Variants in AFF3 observed in about 807,000 individuals in gnomAD.
AFF3 encodes AF4/FMR2 family member 3.
A neutral mutation model predicts 129.7 loss-of-function variants in AFF3; 32 were observed. That is an observed-to-expected ratio of 0.25 (90% CI 0.19 to 0.33). The LOEUF is 0.33. Ranked by LOEUF, AFF3 falls within the 10% of genes least tolerant of loss-of-function variation. The pLI is 1.00. For synonymous variants in AFF3, 644 were observed against 635.4 expected (o/e 1.01, Z -0.20); for missense variants, 1,373 against 1,592.0 (o/e 0.86, Z 2.34).
chr2:100,105,736 G>A (rs918235041), intron 2 of AFF3, 153 bp from the exon 3 acceptor site: 4 of 1,362,844 alleles, frequency 2.9e-6, no homozygotes, highest in Middle Eastern at 2.0e-4. Context: ...TCCACAGTTG[G>A]CCTAGAACCG....
intron 11 of AFF3, among the ~76,000 whole-genome samples, chr2:99,704,279 G>C (rs943404580): frequency 6.6e-6 from 1 of 152,186 alleles, no homozygotes; most frequent in South Asian, 2.1e-4. Context: ...TGGTGGAGAA[G>C]TTCCTTTAGC....
In AFF3 at chr2:99,657,222, G is replaced by A. The variant is rs528122593; in HGVS notation, c.1144-7556C>T. Among the ~76,000 whole-genome samples, 4 of 152,324 alleles carry A rather than the reference G, an allele frequency of 2.6e-5. No homozygotes were observed. In the South Asian group the frequency reaches 8.3e-4, roughly 32 times the overall value. ...ATTCCTAATGTTGAGTCCAACTGAT[G>A]CTTGTGTGATTTTCTGGCTCTCTGT... On this transcript the variant is annotated intron_variant, in intron 12 of 24. Coordinates refer to ENST00000672756, the MANE Select transcript of AFF3 (RefSeq NM_001386135.1).
At chr2:99,662,408 C>T (rs923359813) in intron 12 of AFF3, among the ~76,000 whole-genome samples, 3 of 152,108 alleles carry the variant, frequency 2.0e-5, no homozygotes, top group South Asian at 4.2e-4. Context: ...AAAAGAAAAA[C>T]GAACATACAG....
intron 7 of AFF3, among the ~76,000 whole-genome samples, chr2:99,987,284 G>T (rs572317691): frequency 6.6e-6 from 1 of 152,236 alleles, no homozygotes; most frequent in South Asian, 2.1e-4. Context: ...TCAATCTGGG[G>T]TCCTCATTTA....
At chr2:99,957,621 A>G (rs1417532587) in intron 7 of AFF3, among the ~76,000 whole-genome samples, 2 of 152,210 alleles carry the variant, frequency 1.3e-5, no homozygotes, top group African/African-American at 4.8e-5. Flanking sequence ...AAAAGGACCA[A>G]CTGGCCCATC....
intron 12 of AFF3, among the ~76,000 whole-genome samples, chr2:99,658,072 G>C: frequency 6.6e-6 from 1 of 152,154 alleles, no homozygotes; most frequent in Non-Finnish European, 1.5e-5. Flanking sequence ...CTAGACTCTG[G>C]AGGCTTTTGC....
intron 8 of AFF3, among the ~76,000 whole-genome samples, chr2:99,807,827 G>A (rs1203634032): frequency 6.6e-6 from 1 of 152,120 alleles, no homozygotes; most frequent in Non-Finnish European, 1.5e-5. Context: ...GAGAACCAGG[G>A]GTCAACCTAC....
intron 2 of AFF3, among the ~76,000 whole-genome samples, chr2:100,126,818 A>G (rs931464402): frequency 1.3e-5 from 2 of 152,178 alleles, no homozygotes; most frequent in Admixed American, 6.5e-5. Context: ...ATGTTTTCTC[A>G]TTTCTGTTTC....
At chr2:99,652,182 A>G (rs74659142) in intron 12 of AFF3, among the ~76,000 whole-genome samples, 17,781 of 152,144 alleles carry the variant, frequency 0.12, 1,128 homozygotes, top group East Asian at 0.16. Flanking sequence ...AAGACAAGGA[A>G]GGATGTGGTC....
intron 7 of AFF3, among the ~76,000 whole-genome samples, chr2:99,934,862 A>C (rs2106317485): frequency 6.6e-6 from 1 of 152,324 alleles, no homozygotes; most frequent in South Asian, 2.1e-4. Context: ...CAGAAAACTT[A>C]GCTAGCAGGG....
At chr2:99,967,312 T>C in intron 7 of AFF3, among the ~76,000 whole-genome samples, 1 of 148,572 alleles carries the variant, frequency 6.7e-6, no homozygotes. Context: ...AGCACTTTAA[T>C]GCTGATGACT....
intron 4 of AFF3, among the ~76,000 whole-genome samples, chr2:100,018,987 T>C (rs1258094990): frequency 6.6e-6 from 1 of 152,196 alleles, no homozygotes; most frequent in Admixed American, 6.5e-5. Context: ...TTAAAAGCTA[T>C]CTACACAATG....
intron 8 of AFF3, among the ~76,000 whole-genome samples, chr2:99,797,526 A>G (rs776824585): frequency 5.3e-5 from 8 of 152,096 alleles, no homozygotes; most frequent in Admixed American, 1.3e-4. Flanking sequence ...TAATGAAGGA[A>G]CAAAACTGTA....
At chr2:99,612,073 C>T (rs1311242835) in intron 13 of AFF3, among the ~76,000 whole-genome samples, 2 of 152,084 alleles carry the variant, frequency 1.3e-5, no homozygotes, top group African/African-American at 2.4e-5. Context: ...TCCTCAGGCC[C>T]GAAGGCCCAA....
At chr2:100,106,149 C>T in intron 2 of AFF3, 5 of 1,227,298 alleles carry the variant, frequency 4.1e-6, no homozygotes, top group Non-Finnish European at 4.2e-6. Context: ...AGCCTGGCTC[C>T]CTTCTTCCCC....
intron 11 of AFF3, among the ~76,000 whole-genome samples, chr2:99,673,561 G>A (rs931297011): frequency 2.6e-5 from 4 of 152,138 alleles, no homozygotes; most frequent in Admixed American, 2.0e-4. Flanking sequence ...GTATAAAAGC[G>A]TGCTCTCCAC....
At chr2:99,773,198 C>T (rs959059224) in intron 8 of AFF3, among the ~76,000 whole-genome samples, 1 of 152,198 alleles carries the variant, frequency 6.6e-6, no homozygotes, top group African/African-American at 2.4e-5. Flanking sequence ...GTTTATAGCA[C>T]TCAGCCCACT....
intron 7 of AFF3, among the ~76,000 whole-genome samples, chr2:99,845,648 G>T (rs4850915): frequency 0.16 from 24,030 of 151,960 alleles, 2,015 homozygotes; most frequent in Admixed American, 0.24. Context: ...TAAGATTTCT[G>T]TGTTCTTTCA....
At chr2:99,592,943 C>CA (rs57943865) in intron 15 of AFF3, among the ~76,000 whole-genome samples, 8,049 of 122,830 alleles carry the variant, frequency 0.066, 464 homozygotes, top group African/African-American at 0.087. Context: ...CCCCCCCCCC[C>CA]AAAAAAAGGG....
Sources: gnomAD v4.1 joint callset for allele counts (sites outside exome capture counted in the v4.1 genomes callset) on GRCh38, gnomAD v4.1.1 for gene constraint, MANE v1.5 for transcripts, NCBI Gene and HGNC (gene_info 2026-07-23, HGNC 2026-07-21) for gene names.